The following PTPRD variants were observed in gnomAD, a reference collection of about 807,000 sequenced individuals.
The protein encoded by PTPRD is protein tyrosine phosphatase receptor type D.
A neutral mutation model predicts 214.5 loss-of-function variants in PTPRD; 34 were observed. The observed-to-expected ratio is 0.16, with a 90% CI of 0.12 to 0.21. The LOEUF is 0.21. Among genes scored for constraint, PTPRD ranks in the 10% least tolerant of loss-of-function variants. PTPRD has a pLI of 1.00. For synonymous variants in PTPRD, 1,128 were observed against 845.7 expected (o/e 1.33, Z -5.79); for missense variants, 2,545 against 2,398.7 (o/e 1.06, Z -1.27).
chr9:8,484,184 C>G lies in PTPRD; in HGVS notation c.3348G>C (p.Gly1116=), dbSNP rs777457786. ...DVLRTKPAFI[G]KTNLDGMITV... is the part of the protein sequence containing the mutation. ...TAATCATGCCATCCAAGTTGGTCTT[C>G]CCAATGAAGGCAGGCTTGGTACGTA... The change falls in exon 30 of 46, where the codon GGG becomes GGC. Residue 1116 remains glycine, a synonymous_variant. Coordinates refer to ENST00000381196, the MANE Select transcript of PTPRD (RefSeq NM_002839.4). The G allele has an allele frequency of 1.9e-6, 3 of 1,614,198 alleles. No homozygotes were observed. Among genetic ancestry groups the G allele is most frequent in the Admixed American group, 1.7e-5 (1 of 60,026 alleles).
chr9:8,822,632 T>C (rs73640956), intron 11 of PTPRD, among the ~76,000 whole-genome samples: 9,917 of 152,200 alleles, frequency 0.065, 620 homozygotes, highest in African/African-American at 0.16. Flanking sequence ...TCAATAACAA[T>C]ATTATTGAGG....
chr9:8,511,379 C>G (rs891220408), intron 21 of PTPRD, among the ~76,000 whole-genome samples: 5 of 152,146 alleles, frequency 3.3e-5, no homozygotes, highest in African/African-American at 1.2e-4. Flanking sequence ...CCTTCTTACA[C>G]ACAGATATTT....
intron 11 of PTPRD, among the ~76,000 whole-genome samples, chr9:9,012,298 A>G (rs919714572): frequency 1.3e-5 from 2 of 152,186 alleles, no homozygotes; most frequent in Non-Finnish European, 2.9e-5. Context: ...AGAGGACCCA[A>G]CTAAGACATT....
chr9:10,157,672 G>A (rs72696936), intron 3 of PTPRD, among the ~76,000 whole-genome samples: 1 of 151,982 alleles, frequency 6.6e-6, no homozygotes, highest in African/African-American at 2.4e-5. Context: ...AAATGTAAAT[G>A]TTGGCCTTTC....
chr9:8,460,642 GAAGCAAA>G, intron 32 of PTPRD, 71 bp from the exon 33 acceptor site: 2 of 1,475,326 alleles, frequency 1.4e-6, no homozygotes, highest in East Asian at 4.6e-5. Context: ...AACATTAGAA[GAAGCAAA>G]AAATCCAGGA....
At chr9:10,494,027 C>T (rs1487254777) in intron 2 of PTPRD, among the ~76,000 whole-genome samples, 1 of 151,806 alleles carries the variant, frequency 6.6e-6, no homozygotes, top group African/African-American at 2.4e-5. Context: ...ATACCAGATG[C>T]CTTCTTGTAA....
intron 5 of PTPRD, among the ~76,000 whole-genome samples, chr9:9,880,007 C>T (rs2068129846): frequency 6.6e-6 from 1 of 152,116 alleles, no homozygotes; most frequent in African/African-American, 2.4e-5. Context: ...TGTGTCCCCA[C>T]CCAAATCTCA....
chr9:8,693,668 G>A (rs193263126), intron 12 of PTPRD, among the ~76,000 whole-genome samples: 53 of 152,306 alleles, frequency 3.5e-4, no homozygotes, highest in Admixed American at 2.7e-3. Context: ...GAAATGTAGC[G>A]TGTTAATCAA....
At chr9:10,353,066 A>G (rs889184197) in intron 2 of PTPRD, among the ~76,000 whole-genome samples, 3 of 152,032 alleles carry the variant, frequency 2.0e-5, no homozygotes, top group African/African-American at 7.2e-5. Context: ...CCTTAAAATT[A>G]CCAGAAAATC....
chr9:10,348,154 C>A (rs1256549620), intron 2 of PTPRD, among the ~76,000 whole-genome samples: 1 of 152,142 alleles, frequency 6.6e-6, no homozygotes, highest in Non-Finnish European at 1.5e-5. Context: ...TATATTTGTA[C>A]CCATTAATCA....
chr9:8,800,812 G>A (rs111860155), intron 11 of PTPRD, among the ~76,000 whole-genome samples: 2,617 of 152,212 alleles, frequency 0.017, 41 homozygotes, highest in Middle Eastern at 0.061. Context: ...CCTCTCATGG[G>A]GTCTGGATTG....
chr9:9,777,787 G>A (rs2098810325), intron 5 of PTPRD, among the ~76,000 whole-genome samples: 1 of 151,970 alleles, frequency 6.6e-6, no homozygotes, highest in African/African-American at 2.4e-5. Flanking sequence ...GGTTTTTTTT[G>A]TAAAATGCAT....
intron 9 of PTPRD, among the ~76,000 whole-genome samples, chr9:9,265,792 T>C (rs1050597507): frequency 6.9e-6 from 1 of 144,038 alleles, no homozygotes; most frequent in Non-Finnish European, 1.5e-5. Context: ...ACAACAACAA[T>C]AAAAAAAAAT....
chr9:10,073,109 T>C (rs1248716690), intron 3 of PTPRD, among the ~76,000 whole-genome samples: 7 of 151,794 alleles, frequency 4.6e-5, no homozygotes, highest in African/African-American at 1.5e-4. Flanking sequence ...AAGAAATCAG[T>C]GGTTATATGG....
rs369350296 is a variant in PTPRD at position 9,998,440 on chromosome 9, C to T, written c.-472+35278G>A. ...TCTCTTTTCTCCTCTCTAATCCAGG[C>T]CTCTCCCCTTCCCATAGCATGACCT... On this transcript the variant is annotated intron_variant, in intron 4 of 45. Transcript: ENST00000381196. 4.7e-4 allele frequency among the ~76,000 whole-genome samples: 72 copies of T among 151,994 alleles called. 1 individual carries two copies. The highest frequency in any genetic ancestry group is 3.9e-3 in the East Asian group (20 of 5,158).
At chr9:8,418,322 C>T (rs2094105192) in intron 35 of PTPRD, among the ~76,000 whole-genome samples, 1 of 151,996 alleles carries the variant, frequency 6.6e-6, no homozygotes, top group Non-Finnish European at 1.5e-5. Flanking sequence ...CTCTTACATG[C>T]TTCCATGTGT....
chr9:8,331,780 A>G, intron 43 of PTPRD, 44 bp from the exon 44 acceptor site: 1 of 1,528,812 alleles, frequency 6.5e-7, no homozygotes, highest in Non-Finnish European at 8.8e-7. Flanking sequence ...GGAAGACGCC[A>G]GGAGGATTCA....
chr9:9,336,925 A>G (rs184461538), intron 9 of PTPRD, among the ~76,000 whole-genome samples: 2 of 152,284 alleles, frequency 1.3e-5, no homozygotes, highest in Admixed American at 1.3e-4. Context: ...ATTTGACAGA[A>G]TATATATAAC....
At chr9:9,212,105 G>C (rs547073639) in intron 9 of PTPRD, among the ~76,000 whole-genome samples, 3 of 152,048 alleles carry the variant, frequency 2.0e-5, no homozygotes, top group Non-Finnish European at 2.9e-5. Flanking sequence ...TCAGTGTTTT[G>C]TATGGGCAAT....
Sources: allele counts gnomAD v4.1 joint callset (sites outside exome capture counted in the v4.1 genomes callset), GRCh38; gene constraint gnomAD v4.1.1; transcripts MANE v1.5; gene names NCBI Gene and HGNC (gene_info 2026-07-23, HGNC 2026-07-21).